CNTRL: variants seen among roughly 807,000 people sequenced by gnomAD.
The protein encoded by CNTRL is 110 kDa centrosomal protein.
A neutral mutation model predicts 303.7 loss-of-function variants in CNTRL; 233 were observed. The observed-to-expected ratio is 0.77, with a 90% CI of 0.69 to 0.86. The LOEUF is 0.86. Among genes scored for constraint, CNTRL ranks in the 40% least tolerant of loss-of-function variants. The pLI, the probability that CNTRL is intolerant of heterozygous loss-of-function variation, is 0.00. For synonymous variants in CNTRL, 900 were observed against 922.2 expected, an observed-to-expected ratio of 0.98 and a Z score of 0.44; for missense variants, 2,524 against 2,650.6, an observed-to-expected ratio of 0.95 and a Z score of 1.05.
rs1005174774 is a variant in CNTRL at position 121,171,654 on chromosome 9, C to T, written c.6417+106C>T. 7.8e-6 allele frequency: 9 copies of T among 1,159,610 alleles called. No individual in the cohort carries two copies. The African/African-American group carries it at 1.4e-4, about 18-fold the overall frequency. The allele number at this position is 1,159,610 out of a possible 1,614,324, so 71.8% of individuals were successfully genotyped here. ...TCCCTTCTATAGTAGTATAGAAAAG[C>T]TGATTATAAGAATGTTCTTTAAGTC... On this transcript the variant is annotated intron_variant, in intron 40 of 43. Transcript: ENST00000373855.
chr9:121,078,486 G>A (rs574010899), intron 1 of CNTRL, among the ~76,000 whole-genome samples: 3 of 152,272 alleles, frequency 2.0e-5, no homozygotes, highest in South Asian at 4.1e-4. Context: ...ACATGATTCC[G>A]TAGGATTTTC....
At chr9:121,159,863 G>A (rs1159492892) in intron 31 of CNTRL, among the ~76,000 whole-genome samples, 1 of 152,154 alleles carries the variant, frequency 6.6e-6, no homozygotes, top group Non-Finnish European at 1.5e-5. Flanking sequence ...CCCCTCCAGA[G>A]CAGGAGCCAT....
intron 8 of CNTRL, 60 bp from the exon 9 acceptor site, chr9:121,112,399 C>T (rs2049785628): frequency 6.6e-7 from 1 of 1,520,384 alleles, no homozygotes. Flanking sequence ...ACCATATCAT[C>T]ACACCTTTAT....
chr9:121,168,976 T>C (rs980394212), intron 38 of CNTRL, among the ~76,000 whole-genome samples: 6 of 152,198 alleles, frequency 3.9e-5, no homozygotes, highest in Non-Finnish European at 8.8e-5. Flanking sequence ...TAAAAAAATA[T>C]GTCGAGTTCT....
chr9:121,138,733 G>A (rs1309991082), intron 16 of CNTRL, 54 bp downstream of exon 16: 3 of 1,571,362 alleles, frequency 1.9e-6, no homozygotes, highest in Non-Finnish European at 2.6e-6. Context: ...CAAAGATGAT[G>A]ATATCTTTAG....
In CNTRL at chr9:121,125,873, A is replaced by G; in HGVS notation, c.1962A>G (p.Thr654=). ...DEKETLLQRL[T]EVEQERDQLE... is the part of the protein sequence containing the mutation. ...AAGAGACATTGTTGCAGAGATTGAC[A>G]GAAGTCGAGCAGGAGAGAGACCAGC... The change falls in exon 14 of 44, where the codon ACA becomes ACG. Residue 654 remains threonine (T), a synonymous_variant. Coordinates refer to ENST00000373855, the MANE Select transcript of CNTRL (RefSeq NM_007018.6). 2.5e-6 allele frequency: 4 copies of G among 1,614,258 alleles called. No homozygotes were observed. Among genetic ancestry groups the G allele is most frequent in the East Asian group, 2.2e-5 (1 of 44,884 alleles).
intron 8 of CNTRL, among the ~76,000 whole-genome samples, chr9:121,111,972 A>G (rs1042480786): frequency 2.0e-5 from 3 of 152,166 alleles, no homozygotes; most frequent in African/African-American, 7.2e-5. Flanking sequence ...CAGTATGACA[A>G]TTAAAACCAA....
At chr9:121,161,743 A>C (rs1206654168) in intron 32 of CNTRL, 113 bp from the exon 33 acceptor site, 2 of 720,184 alleles carry the variant, frequency 2.8e-6, no homozygotes, top group Non-Finnish European at 4.5e-6. Context: ...TCAGCTCAAC[A>C]AAATTTTTAA....
At position 121,118,489 on chromosome 9, in the gene CNTRL, T is replaced by TAAGG. The variant is rs1283330271; in HGVS notation, c.1601_1604dup (p.Asp535GlufsTer9). The TAAGG allele has an allele frequency of 6.2e-7, 1 of 1,609,804 alleles. No homozygotes were observed. The highest frequency in any genetic ancestry group is 8.5e-7 in the Non-Finnish European group (1 of 1,177,318). On this transcript the variant is annotated frameshift_variant, in exon 12 of 44. Coordinates refer to ENST00000373855, the MANE Select transcript of CNTRL (RefSeq NM_007018.6). LOFTEE classifies it high-confidence loss of function. ...AAATTGCCGGAAAGCAGAAGGAGAT[T>TAAGG]AAGGACCTGCAAATAGCCATAGATA...
intron 15 of CNTRL, among the ~76,000 whole-genome samples, chr9:121,137,929 TC>T (rs1343121164): frequency 6.6e-6 from 1 of 152,038 alleles, no homozygotes; most frequent in Non-Finnish European, 1.5e-5. Flanking sequence ...ACATTCCCCC[TC>T]CCTCAGCACC....
Position 121,085,096 on chromosome 9 carries a change from A to G in CNTRL, c.-31-3200A>G, listed in dbSNP as rs144323518. ...TTTGAAGTGATCAGATGTTTTTCAT[A>G]TAGCATGAGACAAATATGAATGGAT... On this transcript the variant is annotated intron_variant, in intron 2 of 43. Transcript: ENST00000373855. Among the ~76,000 whole-genome samples the G allele has an allele frequency of 9.2e-5, 14 of 152,386 alleles. 1 individual carries two copies. The East Asian group carries it at 2.7e-3, about 29-fold the overall frequency.
At chr9:121,121,976 A>T in intron 12 of CNTRL, 1 of 965,150 alleles carries the variant, frequency 1.0e-6, no homozygotes, top group South Asian at 4.8e-5. Context: ...CTCTCTCTGT[A>T]CAAAGGACTT....
intron 2 of CNTRL, among the ~76,000 whole-genome samples, chr9:121,084,884 A>G (rs1478683973): frequency 6.6e-6 from 1 of 152,138 alleles, no homozygotes; most frequent in Non-Finnish European, 1.5e-5. Context: ...CACAGTGCTA[A>G]ACCATTCTGA....
intron 11 of CNTRL, 142 bp from the exon 12 acceptor site, chr9:121,118,204 G>A (rs2050069213): frequency 1.9e-6 from 1 of 532,818 alleles, no homozygotes; most frequent in Non-Finnish European, 3.0e-6. Context: ...TATGCATGGA[G>A]TGCTTAGATA....
At chr9:121,152,929 G>A (rs1396728517) in intron 26 of CNTRL, among the ~76,000 whole-genome samples, 1 of 152,162 alleles carries the variant, frequency 6.6e-6, no homozygotes, top group Non-Finnish European at 1.5e-5. Context: ...ACAGGTCTGA[G>A]TTCTTTTGGC....
At chr9:121,148,374 AC>A (rs1389790340) in intron 23 of CNTRL, among the ~76,000 whole-genome samples, 1 of 152,114 alleles carries the variant, frequency 6.6e-6, no homozygotes, top group East Asian at 1.9e-4. Flanking sequence ...CTTCACTTTC[AC>A]AGACCAGTCT....
chr9:121,099,955 G>C (rs577553690), intron 7 of CNTRL, among the ~76,000 whole-genome samples: 45 of 152,330 alleles, frequency 3.0e-4, no homozygotes, highest in Admixed American at 6.5e-4. Context: ...AAAGTGACAG[G>C]GAGAATGGAA....
At chr9:121,157,625 A>C (rs1415923471) in intron 28 of CNTRL, 25 bp downstream of exon 28, 1 of 1,610,750 alleles carries the variant, frequency 6.2e-7, no homozygotes, top group Non-Finnish European at 8.5e-7. Flanking sequence ...TAAGCCGTTG[A>C]TGTATACATT....
At chr9:121,150,585 G>T in intron 25 of CNTRL, 102 bp downstream of exon 25, 1 of 1,089,348 alleles carries the variant, frequency 9.2e-7, no homozygotes, top group Non-Finnish European at 1.4e-6. Flanking sequence ...GGATTATATG[G>T]CAAAGTGTGT....
Sources: allele counts gnomAD v4.1 joint callset (sites outside exome capture counted in the v4.1 genomes callset), GRCh38; gene constraint gnomAD v4.1.1; transcripts MANE v1.5; gene names NCBI Gene and HGNC (gene_info 2026-07-23, HGNC 2026-07-21).